The following PLEKHG1 variants were observed in gnomAD, a reference collection of about 807,000 sequenced individuals.
PLEKHG1 encodes pleckstrin homology domain-containing family G member 1.
In PLEKHG1, 44 loss-of-function variants were observed where a neutral mutation model predicts 100.8. The ratio of observed to expected loss-of-function variants is 0.44; its 90% CI spans 0.34 to 0.56. The LOEUF (loss-of-function observed/expected upper bound fraction) is 0.56. PLEKHG1 is among the 20% of genes least tolerant of loss of function. PLEKHG1 has a pLI of 0.01. For synonymous variants in PLEKHG1, 640 were observed against 662.5 expected, an observed-to-expected ratio of 0.97 and a Z score of 0.52; for missense variants, 1,545 against 1,720.9, an observed-to-expected ratio of 0.90 and a Z score of 1.81.
chr6:150,728,001 G>A (rs1782044535), intron 1 of PLEKHG1, among the ~76,000 whole-genome samples: 1 of 152,162 alleles, frequency 6.6e-6, no homozygotes, highest in African/African-American at 2.4e-5. Context: ...GGATGTTTCA[G>A]TTTGTCAGGG....
At chr6:150,787,971 G>T (rs73612878) in intron 4 of PLEKHG1, among the ~76,000 whole-genome samples, 1 of 152,174 alleles carries the variant, frequency 6.6e-6, no homozygotes, top group East Asian at 1.9e-4. Context: ...GATATGCTGG[G>T]TATATCAAAG....
intron 3 of PLEKHG1, among the ~76,000 whole-genome samples, chr6:150,655,638 G>A (rs991628698): frequency 5.3e-5 from 8 of 149,998 alleles, no homozygotes; most frequent in Non-Finnish European, 1.5e-5. Context: ...AACCTGGGAG[G>A]TGGAGCTTGC....
intron 13 of PLEKHG1, among the ~76,000 whole-genome samples, chr6:150,821,611 G>A (rs1776305571): frequency 6.6e-6 from 1 of 151,956 alleles, no homozygotes; most frequent in African/African-American, 2.4e-5. Context: ...CTGAACCTGG[G>A]AAGCAGAGGT....
At chr6:150,687,631 G>A (rs1780184052) in intron 3 of PLEKHG1, among the ~76,000 whole-genome samples, 1 of 152,088 alleles carries the variant, frequency 6.6e-6, no homozygotes. Flanking sequence ...GAGCTCTTTG[G>A]TCTTGCCGAC....
intron 3 of PLEKHG1, among the ~76,000 whole-genome samples, chr6:150,770,112 G>C (rs1042930639): frequency 6.6e-6 from 1 of 152,226 alleles, no homozygotes; most frequent in Non-Finnish European, 1.5e-5. Flanking sequence ...CACAGAGGAA[G>C]TACCAAAATA....
At chr6:150,649,307 T>G (rs275346) in intron 2 of PLEKHG1, among the ~76,000 whole-genome samples, 2,049 of 152,278 alleles carry the variant, frequency 0.013, 23 homozygotes, top group Non-Finnish European at 0.023. Flanking sequence ...AGTTTTTTTG[T>G]TTTTCAAAAA....
chr6:150,680,103 G>C (rs1026959542), intron 3 of PLEKHG1, among the ~76,000 whole-genome samples: 2 of 152,186 alleles, frequency 1.3e-5, no homozygotes, highest in African/African-American at 4.8e-5. Flanking sequence ...TCAGCTGATG[G>C]GGTAAGGATA....
At chr6:150,652,047 T>C (rs1388505263) in intron 3 of PLEKHG1, 2 of 152,224 alleles carry the variant, frequency 1.3e-5, no homozygotes, top group Non-Finnish European at 2.9e-5. Flanking sequence ...TTTTATTGAA[T>C]TAGTCTTTAG....
intron 2 of PLEKHG1, among the ~76,000 whole-genome samples, chr6:150,644,334 GTTTTTT>G (rs57840463): frequency 8.5e-6 from 1 of 117,622 alleles, no homozygotes; most frequent in African/African-American, 3.5e-5. Flanking sequence ...TTCTTTTCGT[GTTTTTT>G]TTTTTTTTTT....
intron 15 of PLEKHG1, among the ~76,000 whole-genome samples, chr6:150,832,968 C>T (rs1173161023): frequency 3.3e-5 from 5 of 151,890 alleles, no homozygotes; most frequent in South Asian, 4.2e-4. Flanking sequence ...TGAGCCACCA[C>T]GCCAGCCATT....
intron 3 of PLEKHG1, among the ~76,000 whole-genome samples, chr6:150,706,943 G>T (rs1446799707): frequency 1.4e-5 from 2 of 142,564 alleles, no homozygotes; most frequent in Non-Finnish European, 3.0e-5. Flanking sequence ...TGGGAAGATT[G>T]GTCTTCTAGC....
chr6:150,659,068 A>G (rs1392520173), intron 3 of PLEKHG1, among the ~76,000 whole-genome samples: 2 of 152,166 alleles, frequency 1.3e-5, no homozygotes, highest in Non-Finnish European at 2.9e-5. Flanking sequence ...GCCCAGTGTC[A>G]TCTTCACAGC....
chr6:150,784,356 G>A (rs73612872), intron 3 of PLEKHG1, among the ~76,000 whole-genome samples: 3,441 of 152,246 alleles, frequency 0.023, 135 homozygotes, highest in African/African-American at 0.08. Flanking sequence ...TAAATCACAG[G>A]TAGACAAATA....
chr6:150,623,530 G>A (rs541579789), intron 1 of PLEKHG1, among the ~76,000 whole-genome samples: 7 of 152,192 alleles, frequency 4.6e-5, no homozygotes, highest in Admixed American at 1.3e-4. Flanking sequence ...TCAAACTCAC[G>A]TATCTATTAA....
chr6:150,729,368 C>T (rs912550978), intron 1 of PLEKHG1, among the ~76,000 whole-genome samples: 1 of 152,174 alleles, frequency 6.6e-6, no homozygotes, highest in East Asian at 1.9e-4. Flanking sequence ...AGCCTGGCTG[C>T]GTTTCAAGTT....
chr6:150,626,885 A>G (rs1237512092), intron 1 of PLEKHG1, among the ~76,000 whole-genome samples: 4 of 152,210 alleles, frequency 2.6e-5, no homozygotes, highest in Admixed American at 6.5e-5. Flanking sequence ...ACATGAAACT[A>G]TAACCTGAAG....
intron 3 of PLEKHG1, among the ~76,000 whole-genome samples, chr6:150,785,139 T>C (rs1785546309): frequency 1.3e-5 from 2 of 152,036 alleles, no homozygotes; most frequent in African/African-American, 2.4e-5. Flanking sequence ...TGAAAAATAA[T>C]GAAAACACAT....
intron 2 of PLEKHG1, among the ~76,000 whole-genome samples, chr6:150,764,349 C>T (rs1476847493): frequency 6.6e-6 from 1 of 152,132 alleles, no homozygotes; most frequent in South Asian, 2.1e-4. Context: ...GAACTCCTGA[C>T]CCTAGATGAT....
intron 1 of PLEKHG1, among the ~76,000 whole-genome samples, chr6:150,635,057 C>T (rs1338600653): frequency 6.6e-6 from 1 of 152,106 alleles, no homozygotes; most frequent in Non-Finnish European, 1.5e-5. Flanking sequence ...AGAGCTATCA[C>T]CAGGAACCAA....
Sources: gnomAD v4.1 joint callset for allele counts (sites outside exome capture counted in the v4.1 genomes callset) on GRCh38, gnomAD v4.1.1 for gene constraint, MANE v1.5 for transcripts, NCBI Gene and HGNC (gene_info 2026-07-23, HGNC 2026-07-21) for gene names.